LGI2: variants seen among roughly 807,000 people sequenced by gnomAD.
LGI2 encodes the protein leucine rich repeat LGI family member 2.
In LGI2, 30 loss-of-function variants were observed where a neutral mutation model predicts 52.0. That is an observed-to-expected ratio of 0.58 (90% confidence interval 0.43 to 0.78). LGI2 has a LOEUF of 0.78. LGI2 is among the 30% of genes least tolerant of loss of function. The pLI is 0.00. For synonymous variants in LGI2, 270 were observed against 271.8 expected (o/e 0.99, Z 0.06); for missense variants, 573 against 692.5 (o/e 0.83, Z 1.94).
At chr4:25,024,988 T>G in intron 3 of LGI2, 97 bp from the exon 4 acceptor site, 1 of 783,262 alleles carries the variant, frequency 1.3e-6, no homozygotes, top group Non-Finnish European at 2.0e-6. Context: ...CTAAAAGTAT[T>G]CCTGAATTAT....
Position 25,007,578 on chromosome 4 carries a change from A to AGTGTGT in LGI2, c.821-3316_821-3311dup, listed in dbSNP as rs3066687. Among the ~76,000 whole-genome samples the AGTGTGT allele has an allele frequency of 5.7e-3, 807 of 142,318 alleles. 6 individuals are homozygous for AGTGTGT. The highest frequency in any genetic ancestry group is 0.023 in the Admixed American group (329 of 14,110). 93.4% of individuals were successfully genotyped at this position (142,318 alleles called of 152,430 possible). On this transcript the variant is annotated intron_variant, in intron 7 of 7. Transcript: ENST00000382114. The stretch of plus-strand genomic sequence containing the variant: ...TGGAGTTGTCAGTAGCAGACAGATC[A>AGTGTGT]GTGTGTGTGTGTGTGTGTGTGTGTG...
Position 25,002,534 on chromosome 4 carries a change from T to A in LGI2, c.*917A>T, listed in dbSNP as rs1182116253. ...AAGTCCCCTTTGACTTCATAAAATC[T>A]CACTTCAAAAATTCTACCGAATGCT... On this transcript the variant is annotated 3_prime_UTR_variant, in exon 8 of 8. Coordinates refer to ENST00000382114, the MANE Select transcript of LGI2 (RefSeq NM_018176.4). 6.6e-6 allele frequency: 1 copy of A among 152,602 alleles called. No homozygotes were observed. Among genetic ancestry groups the A allele is most frequent in the Non-Finnish European group, 1.5e-5 (1 of 68,036 alleles). 9.5% of individuals were successfully genotyped at this position (152,602 alleles called of 1,614,324 possible).
Position 25,018,120 on chromosome 4 carries a change from G to C in LGI2, c.524C>G (p.Ala175Gly). Reference protein sequence around the residue: ...RGNKFECDCKAKWLYLWLKMT... With the variant: ...RGNKFECDCKGKWLYLWLKMT... ...CTTCAACCACAGGTATAGCCACTTGGCTTTGCAGTCACATTCAAATTTATT... is the reference window on the plus strand; with the variant it reads ...CTTCAACCACAGGTATAGCCACTTGCCTTTGCAGTCACATTCAAATTTATT... The change falls in exon 6 of 8, where the codon GCC (alanine) becomes GGC (glycine). Residue 175 changes from alanine (A) to glycine (G), a missense_variant. Physicochemically the swap from Ala to Gly is moderately conservative, Grantham distance 60. Coordinates refer to ENST00000382114, the MANE Select transcript of LGI2 (RefSeq NM_018176.4). 1.2e-6 allele frequency: 2 copies of C among 1,609,804 alleles called. No individual in the cohort carries two copies. Among genetic ancestry groups the C allele is most frequent in the Non-Finnish European group, 1.7e-6 (2 of 1,178,718 alleles).
At position 25,003,219 on chromosome 4, in the gene LGI2, T is replaced by C. The variant is rs539296052; in HGVS notation, c.*232A>G. On this transcript the variant is annotated 3_prime_UTR_variant, in exon 8 of 8. Transcript: ENST00000382114. The stretch of plus-strand genomic sequence containing the variant: ...AAATGCTGTACTCTTTTCTCAGAAA[T>C]TACAGGCTTTAAGATTTTTTTTTAA... The C allele has an allele frequency of 3.9e-5, 17 of 438,444 alleles. 1 individual carries two copies. The South Asian group carries it at 5.1e-4, about 13-fold the overall frequency. 27.2% of individuals were successfully genotyped at this position (438,444 alleles called of 1,614,324 possible). A position where few individuals can be genotyped will look rare whatever the true frequency, so the allele number is the denominator to read the frequency against.
the LGI2 span, among the ~76,000 whole-genome samples, chr4:24,993,734 T>C: frequency 6.6e-6 from 1 of 152,226 alleles, no homozygotes; most frequent in Admixed American, 6.5e-5. Flanking sequence ...CCAGCATGAC[T>C]ATAAATCATT....
At chr4:25,016,972 C>A (rs1321013352) in intron 6 of LGI2, among the ~76,000 whole-genome samples, 1 of 152,152 alleles carries the variant, frequency 6.6e-6, no homozygotes, top group East Asian at 1.9e-4. Flanking sequence ...CTAAGCCTTT[C>A]CAATGGAGAT....
intron 7 of LGI2, among the ~76,000 whole-genome samples, chr4:25,008,187 T>G (rs1341490683): frequency 6.6e-6 from 1 of 152,152 alleles, no homozygotes; most frequent in Non-Finnish European, 1.5e-5. Flanking sequence ...GTGGAGCAGT[T>G]TTAATGGAAA....
chr4:24,993,711 T>C, the LGI2 span, among the ~76,000 whole-genome samples: 1 of 152,248 alleles, frequency 6.6e-6, no homozygotes, highest in Non-Finnish European at 1.5e-5. Flanking sequence ...TCCATTTTTT[T>C]CCATCCTCTG....
At chr4:25,020,674 C>T (rs1375190323) in intron 4 of LGI2, among the ~76,000 whole-genome samples, 1 of 152,154 alleles carries the variant, frequency 6.6e-6, no homozygotes, top group Non-Finnish European at 1.5e-5. Context: ...AATGACTCTT[C>T]CTACCTAGAG....
intron 1 of LGI2, among the ~76,000 whole-genome samples, 168 bp downstream of exon 1, chr4:25,030,329 C>T (rs1475286362): frequency 6.6e-6 from 1 of 152,178 alleles, no homozygotes; most frequent in Admixed American, 6.5e-5. Flanking sequence ...AGGTCCTCAC[C>T]GTCCTCCCCG....
chr4:25,005,578 A>G (rs1190828273), intron 7 of LGI2, among the ~76,000 whole-genome samples: 2 of 151,972 alleles, frequency 1.3e-5, no homozygotes, highest in Non-Finnish European at 2.9e-5. Context: ...TATCCTTGAA[A>G]AAAAAAAAGT....
rs987190357 is a variant in LGI2 at position 25,030,724 on chromosome 4, A to C, written c.-31T>G. 1 of 1,171,380 alleles carries C rather than the reference A, an allele frequency of 8.5e-7. No individual in the cohort carries two copies. The highest frequency in any genetic ancestry group is 3.8e-5 in the East Asian group (1 of 26,096). The allele number at this position is 1,171,380 out of a possible 1,614,324, so 72.6% of individuals were successfully genotyped here. On this transcript the variant is annotated 5_prime_UTR_variant, in exon 1 of 8. Transcript: ENST00000382114. The stretch of plus-strand genomic sequence containing the variant: ...GTCCCCGCTCCCCGCCCGGGCCCCG[A>C]CCCCCACCGCCGCGCCGCGCGCTCG...
At chr4:25,021,944 A>AG (rs1233590465) in intron 4 of LGI2, among the ~76,000 whole-genome samples, 2 of 151,708 alleles carry the variant, frequency 1.3e-5, no homozygotes, top group African/African-American at 2.4e-5. Flanking sequence ...AAAAAAAAAA[A>AG]AAAAACAAAG....
At chr4:25,028,935 T>C (rs1726241528) in intron 1 of LGI2, among the ~76,000 whole-genome samples, 1 of 152,214 alleles carries the variant, frequency 6.6e-6, no homozygotes, top group South Asian at 2.1e-4. Flanking sequence ...TCTGTTTGTG[T>C]AGACACAGCG....
At chr4:25,011,435 C>A (rs1041735365) in intron 7 of LGI2, among the ~76,000 whole-genome samples, 1 of 152,162 alleles carries the variant, frequency 6.6e-6, no homozygotes, top group African/African-American at 2.4e-5. Context: ...GTACATCTCA[C>A]ACCGAGATAC....
At position 25,030,873 on chromosome 4, in the gene LGI2, C is replaced by G. The variant is rs1241828292; in HGVS notation, c.-180G>C. On this transcript the variant is annotated 5_prime_UTR_variant, in exon 1 of 8. Coordinates refer to ENST00000382114, the MANE Select transcript of LGI2 (RefSeq NM_018176.4). ...GCCGAGCAGCATGCTGGCCGCCACC[C>G]CCACTCGGCGCCCCCCCACCCGAGC... 1 of 193,084 alleles carries G rather than the reference C, an allele frequency of 5.2e-6. No homozygotes were observed. Among genetic ancestry groups the G allele is most frequent in the Non-Finnish European group, 9.6e-6 (1 of 104,510 alleles). 12.0% of individuals were successfully genotyped at this position (193,084 alleles called of 1,614,324 possible). A position where few individuals can be genotyped will look rare whatever the true frequency, so the allele number is the denominator to read the frequency against.
chr4:25,030,447 G>C, intron 1 of LGI2, 50 bp downstream of exon 1: 1 of 1,544,144 alleles, frequency 6.5e-7, no homozygotes, highest in Non-Finnish European at 8.8e-7. Flanking sequence ...TCGCGGCGGC[G>C]GACGCAGGGT....
At chr4:25,005,545 A>C (rs759344384) in intron 7 of LGI2, among the ~76,000 whole-genome samples, 1 of 151,450 alleles carries the variant, frequency 6.6e-6, no homozygotes, top group Non-Finnish European at 1.5e-5. Context: ...ATACAATTTT[A>C]ATTTGTCAGT....
chr4:25,020,613 T>C (rs1179646848), intron 4 of LGI2, among the ~76,000 whole-genome samples: 1 of 152,212 alleles, frequency 6.6e-6, no homozygotes, highest in Non-Finnish European at 1.5e-5. Context: ...ATCTATGAAA[T>C]GCATCTTCTG....
Sources: gnomAD v4.1 joint callset for allele counts (sites outside exome capture counted in the v4.1 genomes callset) on GRCh38, gnomAD v4.1.1 for gene constraint, MANE v1.5 for transcripts, NCBI Gene and HGNC (gene_info 2026-07-23, HGNC 2026-07-21) for gene names.